The following XPR1 variants were observed in gnomAD, a reference collection of about 807,000 sequenced individuals.
The protein encoded by XPR1 is xenotropic and polytropic retrovirus receptor 1.
XPR1 carries 28 observed loss-of-function variants against 87.5 expected under a neutral mutation model. The observed-to-expected ratio is 0.32, with a 90% CI of 0.24 to 0.44. The LOEUF is 0.44. Ranked by LOEUF, XPR1 falls within the 20% of genes least tolerant of loss-of-function variation. The pLI is 1.00. For missense variants in XPR1, 559 were observed against 862.3 expected (o/e 0.65, Z 4.41); for synonymous variants, 300 against 306.1 (o/e 0.98, Z 0.21).
chr1:180,862,180 AT>A (rs536089833), intron 11 of XPR1, among the ~76,000 whole-genome samples: 102 of 146,810 alleles, frequency 6.9e-4, no homozygotes, highest in East Asian at 2.5e-3. Flanking sequence ...CAAGGCAACT[AT>A]TTTTTTTTTA....
chr1:180,748,629 G>A (rs141624093), intron 2 of XPR1, among the ~76,000 whole-genome samples: 91 of 151,752 alleles, frequency 6.0e-4, no homozygotes, highest in African/African-American at 2.2e-3. Context: ...TGTTGGTCAG[G>A]CTGGCCTAGA....
chr1:180,813,042 C>CT (rs997473159), intron 7 of XPR1, among the ~76,000 whole-genome samples: 3 of 138,208 alleles, frequency 2.2e-5, no homozygotes, highest in South Asian at 2.6e-4. Context: ...GTCTTTTTTC[C>CT]CCCCCCCCAA....
At chr1:180,638,055 TTTTA>T (rs1331008021) in intron 1 of XPR1, among the ~76,000 whole-genome samples, 2 of 152,158 alleles carry the variant, frequency 1.3e-5, no homozygotes, top group Non-Finnish European at 2.9e-5. Context: ...TAAATGAAGG[TTTTA>T]TTTATTTAAA....
chr1:180,802,678 C>T (rs1260769463), intron 3 of XPR1, among the ~76,000 whole-genome samples: 1 of 152,146 alleles, frequency 6.6e-6, no homozygotes, highest in Non-Finnish European at 1.5e-5. Flanking sequence ...AGCAATCACT[C>T]CCCATTCACC....
chr1:180,852,795 G>C (rs559711763), intron 11 of XPR1, among the ~76,000 whole-genome samples: 8 of 152,266 alleles, frequency 5.3e-5, no homozygotes, highest in Non-Finnish European at 2.9e-5. Context: ...CCAAAATGTT[G>C]GGATTACAGG....
chr1:180,751,322 A>G (rs1037662103), intron 2 of XPR1, among the ~76,000 whole-genome samples: 2 of 151,994 alleles, frequency 1.3e-5, no homozygotes, highest in Non-Finnish European at 2.9e-5. Flanking sequence ...TTAATTTGAG[A>G]TCATCATGAC....
intron 2 of XPR1, among the ~76,000 whole-genome samples, chr1:180,766,486 AG>A (rs1557997977): frequency 6.6e-6 from 1 of 152,208 alleles, no homozygotes. Context: ...TTGTGCTTCT[AG>A]CCCAGGCTTG....
chr1:180,806,620 G>T (rs1483179320), intron 6 of XPR1, 63 bp downstream of exon 6: 15 of 1,444,720 alleles, frequency 1.0e-5, no homozygotes, highest in Non-Finnish European at 3.8e-6. Context: ...ACAGTATTTA[G>T]CTGGCCCCAT....
intron 2 of XPR1, among the ~76,000 whole-genome samples, chr1:180,770,738 A>G (rs1648483102): frequency 2.0e-5 from 3 of 152,168 alleles, no homozygotes; most frequent in African/African-American, 4.8e-5. Flanking sequence ...TCCCCTGCTT[A>G]CTATCTTTTA....
intron 2 of XPR1, among the ~76,000 whole-genome samples, chr1:180,766,878 G>A (rs1169854348): frequency 6.6e-6 from 1 of 152,066 alleles, no homozygotes; most frequent in East Asian, 1.9e-4. Context: ...TTTGACAAAA[G>A]TTTTATTCAT....
chr1:180,716,283 C>G (rs1260081995), intron 2 of XPR1, among the ~76,000 whole-genome samples: 3 of 151,622 alleles, frequency 2.0e-5, no homozygotes, highest in Non-Finnish European at 4.4e-5. Flanking sequence ...AGTGATGGGT[C>G]TCACTATGTT....
intron 2 of XPR1, among the ~76,000 whole-genome samples, chr1:180,772,019 A>G (rs12068720): frequency 0.043 from 6,544 of 152,210 alleles, 503 homozygotes; most frequent in African/African-American, 0.15. Context: ...TGGTAATTCT[A>G]TATTTTTCTC....
intron 2 of XPR1, among the ~76,000 whole-genome samples, chr1:180,694,647 G>A (rs751859804): frequency 5.9e-5 from 9 of 151,528 alleles, no homozygotes; most frequent in Non-Finnish European, 1.3e-4. Context: ...TTTTGATTGT[G>A]GAACTTTTTA....
chr1:180,784,230 C>T (rs367748520), intron 2 of XPR1, among the ~76,000 whole-genome samples: 15 of 152,128 alleles, frequency 9.9e-5, no homozygotes, highest in African/African-American at 2.9e-4. Flanking sequence ...GTTCATTTAT[C>T]ATTACCATTG....
At chr1:180,645,820 C>T (rs981094301) in intron 1 of XPR1, among the ~76,000 whole-genome samples, 4 of 152,188 alleles carry the variant, frequency 2.6e-5, no homozygotes, top group African/African-American at 9.7e-5. Flanking sequence ...AGTACATAGA[C>T]TCAACATTTG....
intron 2 of XPR1, among the ~76,000 whole-genome samples, chr1:180,736,253 C>T (rs551024321): frequency 2.6e-5 from 4 of 152,174 alleles, no homozygotes; most frequent in East Asian, 1.9e-4. Flanking sequence ...CAAGATCTAG[C>T]GTTGAGAACA....
chr1:180,736,053 A>G (rs930264230), intron 2 of XPR1, among the ~76,000 whole-genome samples: 5 of 152,218 alleles, frequency 3.3e-5, no homozygotes, highest in African/African-American at 9.7e-5. Flanking sequence ...TTTTAAATAC[A>G]TAATTAGAAG....
At chr1:180,812,991 G>A (rs1553250895) in intron 7 of XPR1, among the ~76,000 whole-genome samples, 1 of 151,652 alleles carries the variant, frequency 6.6e-6, no homozygotes, top group Non-Finnish European at 1.5e-5. Context: ...TTCTGGACTC[G>A]GTCTCCTTGC....
intron 11 of XPR1, among the ~76,000 whole-genome samples, chr1:180,838,144 A>G (rs1376251368): frequency 6.6e-6 from 1 of 152,172 alleles, no homozygotes; most frequent in Non-Finnish European, 1.5e-5. Flanking sequence ...CATATTTGGT[A>G]TGTCATGTGT....
Sources: gnomAD v4.1 joint callset for allele counts (sites outside exome capture counted in the v4.1 genomes callset) on GRCh38, gnomAD v4.1.1 for gene constraint, MANE v1.5 for transcripts, NCBI Gene and HGNC (gene_info 2026-07-23, HGNC 2026-07-21) for gene names.